The following NONO variants were observed in gnomAD, a reference collection of about 807,000 sequenced individuals.
NONO encodes the protein non-POU domain-containing octamer-binding protein.
NONO carries 6 observed loss-of-function variants against 40.2 expected under a neutral mutation model. The observed-to-expected ratio is 0.15, with a 90% confidence interval of 0.08 to 0.29. The LOEUF (loss-of-function observed/expected upper bound fraction) is 0.29, where lower values mean the gene tolerates loss of function less well. Among genes scored for constraint, NONO ranks in the 10% least tolerant of loss-of-function variants. The pLI is 1.00. For synonymous variants in NONO, 89 were observed against 123.3 expected, an observed-to-expected ratio of 0.72 and a Z score of 1.85; for missense variants, 133 against 397.8, an observed-to-expected ratio of 0.33 and a Z score of 5.66.
chrX:71,287,001 A>G (rs1003685263), intron 2 of NONO, among the ~76,000 whole-genome samples: 11 of 112,400 alleles, frequency 9.8e-5, no homozygotes, highest in African/African-American at 3.5e-4. Context: ...ACTTGAAAGT[A>G]TTCCCGTATA....
Position 71,300,177 on chromosome X carries a change from G to A in NONO, c.*101G>A. ...AAAGTGTTAGGGATTCCTTCCAATA[G>A]TTAGATCTACCCTGCCTGTACTACT... On this transcript the variant is annotated 3_prime_UTR_variant, in exon 12 of 12. Transcript: ENST00000276079. 1.0e-6 allele frequency: 1 copy of A among 991,405 alleles called. No homozygotes were observed. The highest frequency in any genetic ancestry group is 1.4e-6 in the Non-Finnish European group (1 of 706,015). 81.7% of individuals were successfully genotyped at this position (991,405 alleles called of 1,213,427 possible).
intron 10 of NONO, 86 bp from the exon 11 acceptor site, chrX:71,298,621 C>T: frequency 9.4e-7 from 1 of 1,069,269 alleles, no homozygotes; most frequent in Non-Finnish European, 1.3e-6. Context: ...TTACTTAGCC[C>T]AGAGGTCTTG....
chrX:71,299,718 C>T (rs1190819364), intron 11 of NONO, among the ~76,000 whole-genome samples: 2 of 111,235 alleles, frequency 1.8e-5, no homozygotes, highest in African/African-American at 6.5e-5. Flanking sequence ...CAGGTTCAAG[C>T]GATTCTCCTG....
chrX:71,287,138 C>T (rs1208758773), intron 2 of NONO, among the ~76,000 whole-genome samples: 3 of 111,051 alleles, frequency 2.7e-5, no homozygotes, highest in Non-Finnish European at 3.8e-5. Flanking sequence ...TGGAGTGCAG[C>T]GGCACTGTCT....
chrX:71,291,695 A>C, intron 3 of NONO, 84 bp from the exon 4 acceptor site: 1 of 720,585 alleles, frequency 1.4e-6, no homozygotes, highest in Non-Finnish European at 2.0e-6. Flanking sequence ...ATGTTTCCTC[A>C]TTTATCAGTG....
intron 4 of NONO, 42 bp from the exon 5 acceptor site, chrX:71,294,182 GTTC>G (rs771828738): frequency 4.3e-6 from 5 of 1,172,480 alleles, no homozygotes; most frequent in South Asian, 1.8e-5. Flanking sequence ...CTGCTAAGGT[GTTC>G]TTTGTCAAAC....
Position 71,300,024 on chromosome X carries a change from A to G in NONO, c.1364A>G (p.Asn455Ser). ...GAIGGTPPAF[N>S]RAAPGAEFAP... is the part of the protein sequence containing the mutation. ...ATTGGTGGAACTCCTCCTGCATTCA[A>G]CCGTGCAGCTCCTGGAGCTGAATTT... Residue 455 changes from asparagine (N) to serine (S), a missense_variant, in exon 12 of 12, where the codon AAC becomes AGC. By Grantham distance (46) the Asn-to-Ser change is conservative. Transcript: ENST00000276079. 1 of 1,210,974 alleles carries G rather than the reference A, an allele frequency of 8.3e-7. No individual in the cohort carries two copies. The highest frequency in any genetic ancestry group is 3.0e-5 in the East Asian group (1 of 33,832).
chrX:71,286,997 A>G (rs2031203292), intron 2 of NONO, among the ~76,000 whole-genome samples: 1 of 112,269 alleles, frequency 8.9e-6, no homozygotes, highest in African/African-American at 3.2e-5. Context: ...ATACACTTGA[A>G]AGTATTCCCG....
chrX:71,297,220 G>A, intron 7 of NONO, among the ~76,000 whole-genome samples, 157 bp from the exon 8 acceptor site: 1 of 112,429 alleles, frequency 8.9e-6, no homozygotes, highest in South Asian at 3.7e-4. Context: ...ATTCTGTGGA[G>A]AAGGAAATGA....
At chrX:71,290,049 G>C (rs184313938) in intron 2 of NONO, among the ~76,000 whole-genome samples, 1 of 111,273 alleles carries the variant, frequency 9.0e-6, no homozygotes, top group Admixed American at 9.6e-5. Flanking sequence ...TTACAGTCTT[G>C]AGCCACACGC....
At chrX:71,293,902 T>C in intron 4 of NONO, 1 of 229,601 alleles carries the variant, frequency 4.4e-6, no homozygotes. Context: ...AATTCTGGGA[T>C]TACAGGCGTG....
At chrX:71,283,982 C>G (rs1310527684) in intron 1 of NONO, 3 of 112,073 alleles carry the variant, frequency 2.7e-5, no homozygotes, top group Non-Finnish European at 5.6e-5. Context: ...GAATCTTACC[C>G]GTGTCAGTAA....
chrX:71,298,003 C>A, intron 9 of NONO, 65 bp downstream of exon 9: 1 of 759,854 alleles, frequency 1.3e-6, no homozygotes, highest in Non-Finnish European at 2.0e-6. Context: ...GAATTGTCTG[C>A]TAGGTTACCG....
At chrX:71,295,695 G>A (rs2031429490) in intron 5 of NONO, among the ~76,000 whole-genome samples, 1 of 109,646 alleles carries the variant, frequency 9.1e-6, no homozygotes, top group Non-Finnish European at 1.9e-5. Context: ...GGAGGCTGAG[G>A]CAGGAGAATC....
At position 71,298,477 on chromosome X, in the gene NONO, G is replaced by C. The variant is rs750284714; in HGVS notation, c.1140G>C (p.Gln380His). ...TATTTTTTGTTTTTCAGAGAGAGCAGGAGATTCGGATGGGTCAGATGGCTA... is the reference window on the plus strand; with the variant it reads ...TATTTTTTGTTTTTCAGAGAGAGCACGAGATTCGGATGGGTCAGATGGCTA... ...FKGTFPDAREQEIRMGQMAMG... is the reference protein window; with the variant it reads ...FKGTFPDAREHEIRMGQMAMG... Residue 380 changes from glutamine to histidine, a missense_variant, in exon 10 of 12, where the codon CAG becomes CAC. By Grantham distance (24) the Gln-to-His change is conservative. This residue lies in a region of NONO where 73 missense variants were observed against 162.2 expected (regional missense o/e 0.45). Transcript: ENST00000276079. The C allele has an allele frequency of 1.7e-6, 2 of 1,210,374 alleles. No homozygotes were observed. The highest frequency in any genetic ancestry group is 5.9e-5 in the East Asian group (2 of 33,861).
chrX:71,296,831 C>T lies in NONO; in HGVS notation c.747-20C>T, dbSNP rs1157558847. 6 of 1,193,984 alleles carry T rather than the reference C, an allele frequency of 5.0e-6. No homozygotes were observed. In the South Asian group the frequency reaches 7.4e-5, roughly 15 times the overall value. ...GGGTAATTCTGGACAAAGTTAGTAA[C>T]CTAGGAACCTTGCCTATAGGGAACG... is the stretch of plus-strand genomic sequence containing the variant. On this transcript the variant is annotated intron_variant, in intron 6 of 11. Transcript: ENST00000276079.
intron 2 of NONO, chrX:71,285,035 A>T (rs1002464378): frequency 1.8e-5 from 2 of 112,613 alleles, no homozygotes; most frequent in Non-Finnish European, 3.7e-5. Context: ...AGGGTTCTGC[A>T]CATATTTCCA....
At chrX:71,285,941 G>T (rs2031179323) in intron 2 of NONO, among the ~76,000 whole-genome samples, 1 of 111,896 alleles carries the variant, frequency 8.9e-6, no homozygotes, top group Non-Finnish European at 1.9e-5. Context: ...ACATCATAAA[G>T]TGGAAAAAAC....
rs2031487293 is a variant in NONO, at chrX:71,297,873, C to T, written c.1066C>T (p.Arg356Trp). 1 of 1,208,697 alleles carries T rather than the reference C, an allele frequency of 8.3e-7. No homozygotes were observed. Among genetic ancestry groups the T allele is most frequent in the Non-Finnish European group, 1.1e-6 (1 of 893,371 alleles). ...EERRRREEEM[R>W]RQQEEMMRRQ... ...GCGCAGGCGCCGTGAAGAAGAGATG[C>T]GGCGGCAGCAAGAAGAAATGATGCG... Residue 356 changes from arginine to tryptophan, a missense_variant, in exon 9 of 12, where the codon CGG becomes TGG. By Grantham distance (101) the Arg-to-Trp change is moderately radical. This residue lies in a region of NONO where 73 missense variants were observed against 162.2 expected (regional missense o/e 0.45). Transcript: ENST00000276079.
Sources: gnomAD v4.1 joint callset for allele counts (sites outside exome capture counted in the v4.1 genomes callset) on GRCh38, gnomAD v4.1.1 for gene constraint, gnomAD v4.1.1 regional missense constraint, MANE v1.5 for transcripts, NCBI Gene and HGNC (gene_info 2026-07-23, HGNC 2026-07-21) for gene names.